CAMK2B: variants seen among roughly 807,000 people sequenced by gnomAD.
CAMK2B encodes the protein calcium/calmodulin dependent protein kinase II beta, also known as calcium/calmodulin-dependent protein kinase type II subunit beta.
A neutral mutation model predicts 93.7 loss-of-function variants in CAMK2B; 27 were observed. That is an observed-to-expected ratio of 0.29 (90% CI 0.21 to 0.40). The LOEUF is 0.40. CAMK2B is among the 10% of genes least tolerant of loss of function. The pLI is 1.00. For synonymous variants in CAMK2B, 374 were observed against 358.8 expected (o/e 1.04, Z -0.48); for missense variants, 568 against 895.8 (o/e 0.63, Z 4.67).
chr7:44,220,024 C>G (rs1253455652), intron 23 of CAMK2B, 36 bp downstream of exon 23: 1 of 1,498,028 alleles, frequency 6.7e-7, no homozygotes, highest in South Asian at 1.3e-5. Flanking sequence ...ACCGCCACCC[C>G]TCTGCCCCAG....
In CAMK2B at chr7:44,224,917, C is replaced by T. The variant is rs1333888940; in HGVS notation, c.1597+1599G>A. ...CCCCAGGGCAGTACCCAGACTCTTC[C>T]TTTCCCTGAGTTCCGGAACATCTCA... is the stretch of plus-strand genomic sequence containing the variant. On this transcript the variant is annotated intron_variant, in intron 20 of 23. Coordinates refer to ENST00000395749, the MANE Select transcript of CAMK2B (RefSeq NM_001220.5). This position sits in a 1 kb window ranked among gnomAD's most constrained non-coding sequence, Gnocchi z 4.4. 6.6e-6 allele frequency among the ~76,000 whole-genome samples: 1 copy of T among 152,102 alleles called. No individual in the cohort carries two copies. Among genetic ancestry groups the T allele is most frequent in the Non-Finnish European group, 1.5e-5 (1 of 67,984 alleles).
chr7:44,304,825 G>T (rs535511280), intron 1 of CAMK2B, among the ~76,000 whole-genome samples: 1 of 152,154 alleles, frequency 6.6e-6, no homozygotes, highest in Non-Finnish European at 1.5e-5. Flanking sequence ...TTAACAACAG[G>T]GGTGGGGAAT....
chr7:44,304,296 T>A (rs1056742394), intron 1 of CAMK2B, among the ~76,000 whole-genome samples: 16 of 152,224 alleles, frequency 1.1e-4, no homozygotes, highest in Non-Finnish European at 1.5e-5. Context: ...CGCAAACGGA[T>A]GTTTATTGCA....
chr7:44,257,348 C>A (rs1046132781), intron 4 of CAMK2B, among the ~76,000 whole-genome samples: 1 of 152,216 alleles, frequency 6.6e-6, no homozygotes, highest in African/African-American at 2.4e-5. Flanking sequence ...CCCAGCCTGC[C>A]TCAGGGCCTC....
At chr7:44,229,225 G>A (rs181469367) in intron 18 of CAMK2B, 163 bp downstream of exon 18, 25 of 615,138 alleles carry the variant, frequency 4.1e-5, no homozygotes, top group Admixed American at 4.0e-4. Context: ...GGTGGGGCTC[G>A]ATGGGCTGGG....
At chr7:44,247,552 G>C (rs1584165981) in intron 5 of CAMK2B, among the ~76,000 whole-genome samples, 1 of 152,092 alleles carries the variant, frequency 6.6e-6, no homozygotes, top group East Asian at 1.9e-4. Flanking sequence ...TACCCTGTAA[G>C]GCAGGCTGAG....
intron 2 of CAMK2B, among the ~76,000 whole-genome samples, chr7:44,276,438 C>A (rs2097043485): frequency 6.6e-6 from 1 of 152,176 alleles, no homozygotes. Context: ...CCCCCCGCCA[C>A]CCACTGCACA....
intron 2 of CAMK2B, among the ~76,000 whole-genome samples, chr7:44,275,603 A>T (rs191276662): frequency 1.3e-5 from 2 of 152,360 alleles, no homozygotes; most frequent in Admixed American, 1.3e-4. Context: ...TCAATTTCAG[A>T]TACACAACAA....
In CAMK2B at chr7:44,251,905, G is replaced by A. The variant is rs1464889912; in HGVS notation, c.341+2637C>T. Among the ~76,000 whole-genome samples the A allele has an allele frequency of 3.9e-5, 6 of 152,136 alleles. No individual in the cohort carries two copies. In the East Asian group the frequency reaches 9.6e-4, roughly 24 times the overall value. ...AGAAATCCCTCACTTCTCCCCTCCC[G>A]AGCCTACCCTGAGGCTGCTCCAGAC... On this transcript the variant is annotated intron_variant, in intron 5 of 23. Transcript: ENST00000395749.
chr7:44,230,835 C>A (rs868200798), intron 17 of CAMK2B, among the ~76,000 whole-genome samples, 171 bp downstream of exon 17: 1 of 152,286 alleles, frequency 6.6e-6, no homozygotes, highest in South Asian at 2.1e-4. Flanking sequence ...TCTGGGCAGG[C>A]CTGACACCCA....
chr7:44,305,402 T>C (rs1179911143), intron 1 of CAMK2B, among the ~76,000 whole-genome samples: 3 of 152,196 alleles, frequency 2.0e-5, no homozygotes, highest in African/African-American at 7.2e-5. Context: ...GAGGATTGCT[T>C]GAGCCCAGGA....
intron 1 of CAMK2B, among the ~76,000 whole-genome samples, chr7:44,287,393 C>T (rs939099646): frequency 1.3e-5 from 2 of 152,202 alleles, no homozygotes; most frequent in Non-Finnish European, 2.9e-5. Flanking sequence ...AATGGCTGTC[C>T]ACCCGCACCC....
intron 1 of CAMK2B, 23 bp from the exon 2 acceptor site, chr7:44,284,248 G>T: frequency 6.7e-7 from 1 of 1,492,868 alleles, no homozygotes; most frequent in Non-Finnish European, 9.3e-7. Context: ...ATGGGGGAGC[G>T]AGAGACAGAG....
rs1340289089 is a variant in CAMK2B, at chr7:44,293,664, G to C, written c.66-9439C>G. Among the ~76,000 whole-genome samples the C allele has an allele frequency of 2.6e-5, 4 of 152,214 alleles. No homozygotes were observed. The East Asian group carries it at 7.7e-4, about 29-fold the overall frequency. The stretch of plus-strand genomic sequence containing the variant: ...ATTATCTTAAGGAGCGCGCAACCTA[G>C]ATCCCTCGCTTGCACAGTTCACAAT... On this transcript the variant is annotated intron_variant, in intron 1 of 23. Coordinates refer to ENST00000395749, the MANE Select transcript of CAMK2B (RefSeq NM_001220.5).
intron 4 of CAMK2B, among the ~76,000 whole-genome samples, chr7:44,256,013 G>A (rs750036118): frequency 2.0e-5 from 3 of 152,182 alleles, no homozygotes; most frequent in Non-Finnish European, 4.4e-5. Flanking sequence ...GCTGGGGCTG[G>A]GGGCAGGGGC....
chr7:44,231,151 A>G (rs2096575311), intron 16 of CAMK2B, 97 bp from the exon 17 acceptor site: 2 of 678,656 alleles, frequency 2.9e-6, no homozygotes, highest in Non-Finnish European at 4.7e-6. Context: ...TGTCAGGACC[A>G]GCCCAGGCTC....
chr7:44,261,740 A>C (rs916263447), intron 3 of CAMK2B, among the ~76,000 whole-genome samples: 4 of 152,268 alleles, frequency 2.6e-5, no homozygotes, highest in African/African-American at 9.6e-5. Flanking sequence ...GCAAATTCAC[A>C]GACAGGGCTA....
In CAMK2B at chr7:44,243,278, A is replaced by G. The variant is rs11542227; in HGVS notation, c.573T>C (p.Tyr191=). The change falls in exon 8 of 24, where the codon TAT becomes TAC. Residue 191 remains tyrosine, a synonymous_variant. Transcript: ENST00000395749. The part of the protein sequence containing the change: ...LSPEVLRKEA[Y]GKPVDIWACG... ...ATGCCCAGATGTCCACAGGCTTGCC[A>G]TACGCCTCTTTGCGAAGGACCTCAG... The G allele has an allele frequency of 0.33, 525,374 of 1,611,594 alleles. 89,986 individuals are homozygous for G. The highest frequency in any genetic ancestry group is 0.38 in the Middle Eastern group (2,325 of 6,056).
chr7:44,308,496 T>C (rs949451119), intron 1 of CAMK2B, among the ~76,000 whole-genome samples: 7 of 151,808 alleles, frequency 4.6e-5, no homozygotes, highest in African/African-American at 9.7e-5. Flanking sequence ...CCTTCCCTGA[T>C]TGGGAGCTGC....
Sources: allele counts gnomAD v4.1 joint callset (sites outside exome capture counted in the v4.1 genomes callset), GRCh38; gene constraint gnomAD v4.1.1; non-coding constraint Gnocchi (gnomAD v3.1); transcripts MANE v1.5; gene names NCBI Gene and HGNC (gene_info 2026-07-23, HGNC 2026-07-21).